Variants in PUM3 observed in about 807,000 individuals in gnomAD.
PUM3 encodes pumilio homolog 3.
In PUM3, 91 loss-of-function variants were observed where a neutral mutation model predicts 84.0. The ratio of observed to expected loss-of-function variants is 1.08; its 90% CI spans 0.91 to 1.29. The LOEUF (loss-of-function observed/expected upper bound fraction) is 1.29. Ranked by LOEUF, PUM3 falls within the 50% of genes most tolerant of loss-of-function variation. The pLI, the probability that PUM3 is intolerant of heterozygous loss-of-function variation, is 0.00. For synonymous variants in PUM3, 321 were observed against 266.7 expected (o/e 1.20, Z -1.98); for missense variants, 1,067 against 767.5 (o/e 1.39, Z -4.61).
intron 4 of PUM3, 27 bp from the exon 5 acceptor site, chr9:2,833,459 C>T (rs781537853): frequency 1.3e-5 from 17 of 1,278,142 alleles, no homozygotes; most frequent in Middle Eastern, 2.1e-4. Flanking sequence ...GAAGGAAACA[C>T]AGTTGAAATA....
intron 3 of PUM3, among the ~76,000 whole-genome samples, chr9:2,836,853 T>C (rs1041221242): frequency 3.3e-5 from 5 of 152,078 alleles, no homozygotes; most frequent in Admixed American, 6.6e-5. Context: ...GTACAATGCA[T>C]AGAAAACTCA....
At chr9:2,810,210 T>G (rs1264598368) in intron 16 of PUM3, 134 bp downstream of exon 16, 1 of 639,692 alleles carries the variant, frequency 1.6e-6, no homozygotes, top group Non-Finnish European at 2.8e-6. Context: ...GAATCATTTC[T>G]TATTCACAGA....
chr9:2,833,306 T>C, intron 5 of PUM3, 51 bp downstream of exon 5: 1 of 943,290 alleles, frequency 1.1e-6, no homozygotes, highest in South Asian at 1.5e-5. Flanking sequence ...CTCCTGAGAG[T>C]GAGGCAACTT....
chr9:2,825,661 T>C (rs1210579378), intron 10 of PUM3, among the ~76,000 whole-genome samples: 3 of 152,034 alleles, frequency 2.0e-5, no homozygotes, highest in African/African-American at 7.2e-5. Flanking sequence ...TTTTGTATTT[T>C]AGTAGAGACT....
At chr9:2,832,782 C>T (rs2129869015) in intron 5 of PUM3, among the ~76,000 whole-genome samples, 1 of 152,298 alleles carries the variant, frequency 6.6e-6, no homozygotes, top group South Asian at 2.1e-4. Flanking sequence ...GGCTGCCCCT[C>T]CAGGTGCCGT....
chr9:2,811,152 C>T (rs1224139363), intron 15 of PUM3, among the ~76,000 whole-genome samples: 1 of 152,218 alleles, frequency 6.6e-6, no homozygotes, highest in East Asian at 1.9e-4. Context: ...AGCAAATTCA[C>T]ATCTGTAAAA....
chr9:2,832,779 C>T (rs1455044584), intron 5 of PUM3, among the ~76,000 whole-genome samples: 1 of 152,134 alleles, frequency 6.6e-6, no homozygotes, highest in Non-Finnish European at 1.5e-5. Flanking sequence ...AAAGGCTGCC[C>T]CTCCAGGTGC....
intron 10 of PUM3, among the ~76,000 whole-genome samples, chr9:2,826,762 G>A (rs927010431): frequency 2.0e-5 from 3 of 151,806 alleles, no homozygotes; most frequent in Non-Finnish European, 2.9e-5. Context: ...AAAACTATCC[G>A]AATGCTTGAA....
chr9:2,819,924 G>A (rs1301432902), intron 13 of PUM3, 94 bp downstream of exon 13: 7 of 725,274 alleles, frequency 9.7e-6, no homozygotes, highest in Non-Finnish European at 1.4e-5. Context: ...AGGCACAGCT[G>A]CAAGTCTTTA....
intron 9 of PUM3, among the ~76,000 whole-genome samples, chr9:2,828,115 C>T (rs1428550055): frequency 6.6e-6 from 1 of 152,202 alleles, no homozygotes; most frequent in African/African-American, 2.4e-5. Flanking sequence ...CCATGGCTCA[C>T]TGCAGCCATG....
At chr9:2,824,194 A>G (rs1041021710) in intron 11 of PUM3, among the ~76,000 whole-genome samples, 19 of 152,332 alleles carry the variant, frequency 1.2e-4, no homozygotes, top group Non-Finnish European at 2.4e-4. Context: ...GTTGAATAAA[A>G]TTAAATTTGC....
At chr9:2,834,297 C>T in intron 3 of PUM3, 131 bp from the exon 4 acceptor site, 1 of 699,248 alleles carries the variant, frequency 1.4e-6, no homozygotes, top group Non-Finnish European at 2.3e-6. Context: ...GGGGAACATA[C>T]CATCCCCCAT....
chr9:2,831,502 C>T (rs962390881), intron 5 of PUM3, among the ~76,000 whole-genome samples, 158 bp from the exon 6 acceptor site: 1 of 152,068 alleles, frequency 6.6e-6, no homozygotes, highest in Non-Finnish European at 1.5e-5. Context: ...TTTAATTATA[C>T]AAAACATCAT....
At chr9:2,824,608 G>C in intron 11 of PUM3, 109 bp downstream of exon 11, 1 of 598,104 alleles carries the variant, frequency 1.7e-6, no homozygotes, top group Non-Finnish European at 2.5e-6. Flanking sequence ...ATGCACAACA[G>C]GGCAAAGACC....
At chr9:2,812,776 A>G (rs76485207) in intron 13 of PUM3, among the ~76,000 whole-genome samples, 2 of 152,340 alleles carry the variant, frequency 1.3e-5, no homozygotes, top group East Asian at 3.9e-4. Flanking sequence ...ACCAAGCCCA[A>G]GGACTTAAAA....
chr9:2,838,469 A>ACT lies in PUM3; in HGVS notation c.37_38dup (p.Ser13ArgfsTer54). On this transcript the variant is annotated frameshift_variant, in exon 2 of 18. Coordinates refer to ENST00000397885, the MANE Select transcript of PUM3 (RefSeq NM_014878.5). LOFTEE classifies it high-confidence loss of function. ...TGTTTTTTTCTTGTGCTGTCTTTGT[A>ACT]CTCTTTCCTGTGAATTGCTTTTTCC... 4 of 1,613,378 alleles carry ACT rather than the reference A, an allele frequency of 2.5e-6. No individual in the cohort carries two copies. The highest frequency in any genetic ancestry group is 3.4e-6 in the Non-Finnish European group (4 of 1,179,564).
intron 1 of PUM3, among the ~76,000 whole-genome samples, chr9:2,839,249 A>C (rs1371498980): frequency 1.3e-5 from 2 of 152,224 alleles, no homozygotes; most frequent in Non-Finnish European, 2.9e-5. Flanking sequence ...ATCAAGAGAA[A>C]AAGCCATTTG....
intron 3 of PUM3, among the ~76,000 whole-genome samples, chr9:2,836,292 G>T (rs1157836955): frequency 6.6e-6 from 1 of 152,278 alleles, no homozygotes; most frequent in East Asian, 1.9e-4. Flanking sequence ...GTTAAGACAC[G>T]CTGTGCTGGA....
At position 2,837,334 on chromosome 9, in the gene PUM3, A is replaced by T. The variant is rs1449828941; in HGVS notation, c.150T>A (p.Ser50=). 1.2e-6 allele frequency: 2 copies of T among 1,613,914 alleles called. No homozygotes were observed. The change falls in exon 3 of 18, where the codon TCT becomes TCA. Residue 50 remains serine, a synonymous_variant. Transcript: ENST00000397885. The part of the protein sequence containing the change: ...VAKEGGPKVT[S]RNFEKSITKL... ...TTGTGATACTTTTCTCAAAGTTCCTAGATGTGACTTTAGGTCCACCTTCTT... is the reference window on the plus strand; with the variant it reads ...TTGTGATACTTTTCTCAAAGTTCCTTGATGTGACTTTAGGTCCACCTTCTT...
Sources: allele counts gnomAD v4.1 joint callset (sites outside exome capture counted in the v4.1 genomes callset), GRCh38; gene constraint gnomAD v4.1.1; transcripts MANE v1.5; gene names NCBI Gene and HGNC (gene_info 2026-07-23, HGNC 2026-07-21).